The following MAGI2 variants were observed in gnomAD, a reference collection of about 807,000 sequenced individuals.
The protein encoded by MAGI2 is membrane-associated guanylate kinase, WW and PDZ domain-containing protein 2.
Under a neutral mutation model 133.3 loss-of-function variants are expected in MAGI2, and 35 were observed. The ratio of observed to expected loss-of-function variants is 0.26; its 90% CI spans 0.20 to 0.35. The LOEUF is 0.35. MAGI2 is among the 10% of genes least tolerant of loss of function. MAGI2 has a pLI of 1.00. For synonymous variants in MAGI2, 729 were observed against 710.6 expected, an observed-to-expected ratio of 1.03 and a Z score of -0.41; for missense variants, 1,636 against 1,863.4, an observed-to-expected ratio of 0.88 and a Z score of 2.25.
intron 2 of MAGI2, among the ~76,000 whole-genome samples, chr7:78,890,112 A>C (rs1011320248): frequency 5.3e-5 from 8 of 152,114 alleles, no homozygotes; most frequent in Non-Finnish European, 1.0e-4. Context: ...AACCAACAAA[A>C]ATCAAAAGAG....
intron 3 of MAGI2, among the ~76,000 whole-genome samples, chr7:78,604,539 C>T (rs1323344375): frequency 6.6e-6 from 1 of 152,112 alleles, no homozygotes; most frequent in Non-Finnish European, 1.5e-5. Context: ...TGAGCATCTC[C>T]CATGTGCCAC....
At chr7:78,296,157 T>A (rs952213418) in intron 9 of MAGI2, among the ~76,000 whole-genome samples, 3 of 152,320 alleles carry the variant, frequency 2.0e-5, no homozygotes, top group African/African-American at 7.2e-5. Flanking sequence ...AGTAACATTT[T>A]AAAAATCCAA....
intron 3 of MAGI2, among the ~76,000 whole-genome samples, chr7:78,610,417 A>G (rs1323035266): frequency 6.6e-6 from 1 of 152,196 alleles, no homozygotes; most frequent in East Asian, 1.9e-4. Context: ...AAGGGCATCC[A>G]GCTCAACCAC....
rs548801341 is a variant in MAGI2, at chr7:79,310,094, G to C, written c.301+142926C>G. On this transcript the variant is annotated intron_variant, in intron 1 of 21. Transcript: ENST00000354212. ...CAGAAGAATTGCTTGAACCCGAGAGGTGGAGGTTGCAACAAGCCGAGATCG... is the reference window on the plus strand; with the variant it reads ...CAGAAGAATTGCTTGAACCCGAGAGCTGGAGGTTGCAACAAGCCGAGATCG... Among the ~76,000 whole-genome samples, 7 of 143,982 alleles carry C rather than the reference G, an allele frequency of 4.9e-5. No homozygotes were observed. The South Asian group carries it at 1.6e-3, about 33-fold the overall frequency. The allele number at this position is 143,982 out of a possible 152,430, so 94.5% of individuals were successfully genotyped here.
intron 13 of MAGI2, chr7:78,185,409 G>A (rs1283799509): frequency 1.6e-5 from 6 of 386,292 alleles, no homozygotes; most frequent in African/African-American, 1.0e-4. Context: ...TTTTATGAAA[G>A]AAATTCATGA....
At chr7:78,461,916 C>CAATAAAAAAAAAAA (rs1790072184) in intron 6 of MAGI2, among the ~76,000 whole-genome samples, 1 of 30,538 alleles carries the variant, frequency 3.3e-5, no homozygotes, top group Non-Finnish European at 6.4e-5. Flanking sequence ...AATTCCGTCT[C>CAATAAAAAAAAAAA]AAAAAAAAAA....
chr7:78,655,495 G>C (rs1356573879), intron 2 of MAGI2, among the ~76,000 whole-genome samples: 3 of 139,322 alleles, frequency 2.2e-5, no homozygotes, highest in Non-Finnish European at 4.6e-5. Flanking sequence ...AAAAATGCAG[G>C]TAACCTGCTC....
chr7:78,908,759 T>C (rs1457692184), intron 2 of MAGI2, among the ~76,000 whole-genome samples: 1 of 152,206 alleles, frequency 6.6e-6, no homozygotes. Context: ...CCAATTAACA[T>C]GTACCTATTG....
intron 2 of MAGI2, among the ~76,000 whole-genome samples, chr7:78,683,681 G>C (rs565097981): frequency 1.3e-5 from 2 of 152,192 alleles, no homozygotes; most frequent in East Asian, 3.9e-4. Flanking sequence ...CCACATCCCA[G>C]GCACTGCAGT....
chr7:79,025,816 G>T (rs1342408935), intron 1 of MAGI2, among the ~76,000 whole-genome samples: 2 of 152,140 alleles, frequency 1.3e-5, no homozygotes, highest in African/African-American at 4.8e-5. Context: ...CAAAATGGCA[G>T]AAAGACCTAC....
intron 2 of MAGI2, among the ~76,000 whole-genome samples, chr7:78,669,435 T>A (rs1476718610): frequency 6.6e-6 from 1 of 152,070 alleles, no homozygotes; most frequent in African/African-American, 2.4e-5. Flanking sequence ...ATCAATAGCT[T>A]ACCAGCCAAA....
At chr7:78,823,112 T>C (rs944513013) in intron 2 of MAGI2, among the ~76,000 whole-genome samples, 23 of 152,136 alleles carry the variant, frequency 1.5e-4, no homozygotes, top group Non-Finnish European at 1.8e-4. Flanking sequence ...AGACTTAAAT[T>C]GTAAGGTAAT....
chr7:79,214,462 A>G (rs1016525668), intron 1 of MAGI2, among the ~76,000 whole-genome samples: 1 of 106,780 alleles, frequency 9.4e-6, no homozygotes, highest in African/African-American at 3.6e-5. Context: ...CACACACACA[A>G]ACATATATAT....
intron 6 of MAGI2, among the ~76,000 whole-genome samples, chr7:78,462,040 T>G (rs10282460): frequency 0.17 from 25,204 of 151,620 alleles, 2,153 homozygotes; most frequent in East Asian, 0.22. Context: ...CACTTATGAT[T>G]CAATTTTGTA....
rs765235077 is a variant in MAGI2, at chr7:79,007,094, C to G, written c.414G>C (p.Val138=). 1.9e-6 allele frequency: 3 copies of G among 1,602,094 alleles called. No individual in the cohort carries two copies. The highest frequency in any genetic ancestry group is 1.1e-5 in the South Asian group (1 of 89,544). Residue 138 remains valine, a synonymous_variant, in exon 2 of 22, where the codon GTG becomes GTC. Transcript: ENST00000354212. The stretch of plus-strand genomic sequence containing the variant: ...AATACTGCCCATTGTACTCACATGG[C>G]ACCGTGCGGAGGTAGAGGTTGTCAC... The part of the protein sequence containing the change: ...IIRDNLYLRT[V]PCTTRPHKEG...
At chr7:79,061,097 A>T (rs1432874016) in intron 1 of MAGI2, among the ~76,000 whole-genome samples, 2 of 152,020 alleles carry the variant, frequency 1.3e-5, no homozygotes, top group African/African-American at 4.8e-5. Context: ...TTGTATTTTC[A>T]TTTAGGGTGG....
intron 2 of MAGI2, among the ~76,000 whole-genome samples, chr7:78,666,517 G>C (rs73380210): frequency 0.015 from 2,329 of 152,260 alleles, 68 homozygotes; most frequent in African/African-American, 0.053. Flanking sequence ...ATGGACCCAA[G>C]TCAAAATCTA....
chr7:79,141,144 A>G (rs1425348104), intron 1 of MAGI2, among the ~76,000 whole-genome samples: 7 of 152,160 alleles, frequency 4.6e-5, no homozygotes, highest in Admixed American at 4.6e-4. Context: ...TCTCCTCATG[A>G]CCCCAGTATC....
chr7:78,172,204 A>G (rs3807679), intron 14 of MAGI2, among the ~76,000 whole-genome samples: 1 of 152,116 alleles, frequency 6.6e-6, no homozygotes, highest in Non-Finnish European at 1.5e-5. Flanking sequence ...ACACAAACCC[A>G]AAACCACCTT....
Sources: allele counts gnomAD v4.1 joint callset (sites outside exome capture counted in the v4.1 genomes callset), GRCh38; gene constraint gnomAD v4.1.1; transcripts MANE v1.5; gene names NCBI Gene and HGNC (gene_info 2026-07-23, HGNC 2026-07-21).